The following SSBP2 variants were observed in gnomAD, a reference collection of about 807,000 sequenced individuals.
The protein encoded by SSBP2 is single stranded DNA binding protein 2, also known as single-stranded DNA-binding protein 2.
A neutral mutation model predicts 61.8 loss-of-function variants in SSBP2; 17 were observed. The observed-to-expected ratio is 0.28, with a 90% confidence interval of 0.19 to 0.41. The LOEUF (loss-of-function observed/expected upper bound fraction) is 0.41. Ranked by LOEUF, SSBP2 falls within the 10% of genes least tolerant of loss-of-function variation. The pLI is 1.00. For synonymous variants in SSBP2, 139 were observed against 141.3 expected, an observed-to-expected ratio of 0.98 and a Z score of 0.12; for missense variants, 310 against 458.7, an observed-to-expected ratio of 0.68 and a Z score of 2.96.
At chr5:81,572,971 A>G (rs886443449) in intron 4 of SSBP2, among the ~76,000 whole-genome samples, 1 of 152,226 alleles carries the variant, frequency 6.6e-6, no homozygotes, top group African/African-American at 2.4e-5. Context: ...TGTACTGTCC[A>G]ACAGTGCTCA....
chr5:81,474,680 T>C, intron 6 of SSBP2, 118 bp from the exon 7 acceptor site: 1 of 690,014 alleles, frequency 1.4e-6, no homozygotes, highest in East Asian at 3.2e-5. Flanking sequence ...TGAGTATTTC[T>C]CAAGATTTCT....
intron 1 of SSBP2, among the ~76,000 whole-genome samples, chr5:81,671,476 A>G (rs1751569240): frequency 6.6e-6 from 1 of 152,116 alleles, no homozygotes; most frequent in African/African-American, 2.4e-5. Flanking sequence ...TTGTGGCAAT[A>G]TGGTCAGGGG....
intron 5 of SSBP2, 150 bp from the exon 6 acceptor site, chr5:81,489,459 A>G (rs1223829143): frequency 1.7e-6 from 1 of 600,472 alleles, no homozygotes; most frequent in East Asian, 3.4e-5. Flanking sequence ...AAATGCTTTT[A>G]AGAAAAATTA....
At chr5:81,710,777 A>G in intron 1 of SSBP2, 1 of 433,662 alleles carries the variant, frequency 2.3e-6, no homozygotes, top group Non-Finnish European at 4.6e-6. Flanking sequence ...TTCTAAAAAG[A>G]AGTGAGATAA....
intron 1 of SSBP2, among the ~76,000 whole-genome samples, chr5:81,675,286 C>A (rs1361558168): frequency 6.6e-6 from 1 of 152,142 alleles, no homozygotes; most frequent in Non-Finnish European, 1.5e-5. Flanking sequence ...AATAGTCCCC[C>A]ATCATCTCCC....
At chr5:81,491,180 T>C (rs1766828145) in intron 5 of SSBP2, among the ~76,000 whole-genome samples, 1 of 152,188 alleles carries the variant, frequency 6.6e-6, no homozygotes, top group Non-Finnish European at 1.5e-5. Context: ...TGGCTGTCTT[T>C]TACAAAATGA....
intron 4 of SSBP2, among the ~76,000 whole-genome samples, chr5:81,574,086 A>G (rs1247801354): frequency 6.6e-6 from 1 of 152,152 alleles, no homozygotes; most frequent in African/African-American, 2.4e-5. Flanking sequence ...GCTTGCAGTG[A>G]GCCGAGATCG....
chr5:81,535,614 T>G (rs1355922319), intron 4 of SSBP2, among the ~76,000 whole-genome samples: 2 of 151,950 alleles, frequency 1.3e-5, no homozygotes, highest in East Asian at 3.9e-4. Flanking sequence ...ATAAATATAG[T>G]CAACTGAATT....
At chr5:81,745,574 T>C (rs1024856962) in intron 1 of SSBP2, among the ~76,000 whole-genome samples, 5 of 152,196 alleles carry the variant, frequency 3.3e-5, no homozygotes, top group African/African-American at 1.2e-4. Context: ...CACATGTCAC[T>C]AGCATGCAAA....
chr5:81,532,692 G>A (rs1770507861), intron 4 of SSBP2, among the ~76,000 whole-genome samples: 1 of 151,710 alleles, frequency 6.6e-6, no homozygotes, highest in East Asian at 1.9e-4. Context: ...AATATTAATG[G>A]CATAGAAAAG....
chr5:81,585,725 T>C (rs1407849927), intron 4 of SSBP2, among the ~76,000 whole-genome samples: 4 of 152,194 alleles, frequency 2.6e-5, no homozygotes, highest in Non-Finnish European at 5.9e-5. Flanking sequence ...TTATTAACTA[T>C]AGTCATTATG....
intron 5 of SSBP2, among the ~76,000 whole-genome samples, chr5:81,498,108 T>G (rs1767427736): frequency 6.6e-6 from 1 of 152,100 alleles, no homozygotes; most frequent in Admixed American, 6.5e-5. Flanking sequence ...AGTTGAAATA[T>G]TTTCTTTCCA....
intron 3 of SSBP2, among the ~76,000 whole-genome samples, chr5:81,617,961 A>T (rs1204421805): frequency 7.3e-6 from 1 of 137,064 alleles, no homozygotes; most frequent in Admixed American, 7.4e-5. Flanking sequence ...AGCGCTAAAC[A>T]TGGAAAGGAA....
intron 1 of SSBP2, among the ~76,000 whole-genome samples, chr5:81,718,498 G>A (rs1755325247): frequency 6.6e-6 from 1 of 152,108 alleles, no homozygotes; most frequent in South Asian, 2.1e-4. Context: ...CGGAAGCAGA[G>A]GTCAAGCTGC....
At chr5:81,497,623 G>A (rs1009384215) in intron 5 of SSBP2, among the ~76,000 whole-genome samples, 6 of 152,100 alleles carry the variant, frequency 3.9e-5, no homozygotes, top group Non-Finnish European at 7.4e-5. Context: ...AATCCTGCTC[G>A]CTTAAATAGG....
intron 3 of SSBP2, among the ~76,000 whole-genome samples, chr5:81,623,595 A>G (rs1242726869): frequency 6.6e-6 from 1 of 151,776 alleles, no homozygotes; most frequent in Admixed American, 6.6e-5. Flanking sequence ...TCGGCCTCCC[A>G]AAGTGCTGGG....
intron 4 of SSBP2, among the ~76,000 whole-genome samples, chr5:81,566,058 TA>T (rs1773397076): frequency 6.6e-6 from 1 of 152,218 alleles, no homozygotes; most frequent in Admixed American, 6.5e-5. Flanking sequence ...CTTGATCAAT[TA>T]ATACAGGTGT....
intron 1 of SSBP2, among the ~76,000 whole-genome samples, chr5:81,686,137 C>T (rs889940469): frequency 4.2e-4 from 64 of 152,104 alleles, no homozygotes; most frequent in African/African-American, 1.5e-3. Flanking sequence ...TTCACTGAAC[C>T]AGTTATTCCT....
chr5:81,488,225 G>GA (rs1766581810), intron 6 of SSBP2, among the ~76,000 whole-genome samples: 1 of 150,954 alleles, frequency 6.6e-6, no homozygotes, highest in Non-Finnish European at 1.5e-5. Flanking sequence ...CATTTCCTTT[G>GA]AATATATACC....
Sources: allele counts gnomAD v4.1 joint callset (sites outside exome capture counted in the v4.1 genomes callset), GRCh38; gene constraint gnomAD v4.1.1; transcripts MANE v1.5; gene names NCBI Gene and HGNC (gene_info 2026-07-23, HGNC 2026-07-21).